The following CDCA7L variants were observed in gnomAD, a reference collection of about 807,000 sequenced individuals.
CDCA7L encodes the protein cell division cycle associated 7 like.
CDCA7L carries 44 observed loss-of-function variants against 57.4 expected under a neutral mutation model. The ratio of observed to expected loss-of-function variants is 0.77; its 90% confidence interval spans 0.60 to 0.98. The LOEUF (loss-of-function observed/expected upper bound fraction) is 0.98. CDCA7L is among the 50% of genes least tolerant of loss of function. The pLI, the probability that CDCA7L is intolerant of heterozygous loss-of-function variation, is 0.00. For missense variants in CDCA7L, 644 were observed against 580.6 expected (o/e 1.11, Z -1.12); for synonymous variants, 236 against 202.8 (o/e 1.16, Z -1.39).
intron 1 of CDCA7L, among the ~76,000 whole-genome samples, chr7:21,918,753 G>A (rs981767426): frequency 2.0e-5 from 3 of 152,250 alleles, no homozygotes; most frequent in Admixed American, 6.5e-5. Flanking sequence ...AGGTCTGGCT[G>A]TCTCTTTTTT....
chr7:21,915,131 T>A (rs910789815), intron 2 of CDCA7L, among the ~76,000 whole-genome samples: 3 of 151,952 alleles, frequency 2.0e-5, no homozygotes, highest in Non-Finnish European at 4.4e-5. Context: ...CTACGGCAGC[T>A]GCAGAGGGAA....
intron 3 of CDCA7L, among the ~76,000 whole-genome samples, chr7:21,910,411 C>G (rs1170502871): frequency 6.6e-6 from 1 of 152,172 alleles, no homozygotes; most frequent in African/African-American, 2.4e-5. Flanking sequence ...ACGAAGCAGC[C>G]TACCATGCGG....
At chr7:21,908,847 C>A (rs935477728) in intron 3 of CDCA7L, among the ~76,000 whole-genome samples, 6 of 152,150 alleles carry the variant, frequency 3.9e-5, no homozygotes, top group Non-Finnish European at 8.8e-5. Context: ...GAGACAGTCA[C>A]AGAAAAGGAG....
chr7:21,938,933 C>G (rs1407901486), intron 1 of CDCA7L, among the ~76,000 whole-genome samples: 1 of 151,984 alleles, frequency 6.6e-6, no homozygotes, highest in Non-Finnish European at 1.5e-5. Flanking sequence ...TCACTTGAGC[C>G]CAGGAGGTCA....
chr7:21,933,265 C>T (rs12055905), intron 1 of CDCA7L, among the ~76,000 whole-genome samples: 32,112 of 151,992 alleles, frequency 0.21, 4,097 homozygotes, highest in East Asian at 0.54. Context: ...GATCTAGAAC[C>T]AGAAATACCA....
At chr7:21,909,011 A>G (rs1460662131) in intron 3 of CDCA7L, among the ~76,000 whole-genome samples, 1 of 152,196 alleles carries the variant, frequency 6.6e-6, no homozygotes, top group Non-Finnish European at 1.5e-5. Context: ...GGACAGGCAG[A>G]TGACCTGCCA....
rs1554294808 is a variant in CDCA7L, at chr7:21,902,243, ATCT to A, written c.*76_*78del. The A allele has an allele frequency of 1.3e-3, 1,685 of 1,340,148 alleles. 14 individuals are homozygous for A. In the Middle Eastern group the frequency reaches 0.015, roughly 12 times the overall value. The allele number at this position is 1,340,148 out of a possible 1,614,324, so 83.0% of individuals were successfully genotyped here. ...TGTATAAAAACACAACTGTAAAAAA[ATCT>A]TTCTTAGGCACCAATGGTATGCATG... On this transcript the variant is annotated 3_prime_UTR_variant, in exon 10 of 10. Coordinates refer to ENST00000406877, the MANE Select transcript of CDCA7L (RefSeq NM_018719.5).
chr7:21,902,665 ATAATCTGTGT>A (rs1784962840), intron 9 of CDCA7L: 1 of 495,296 alleles, frequency 2.0e-6, no homozygotes, highest in Non-Finnish European at 3.6e-6. Context: ...CTGCCTCTTC[ATAATCTGTGT>A]CTTTCCCCTC....
Position 21,903,000 on chromosome 7 carries a change from T to C in CDCA7L, c.1312A>G (p.Asn438Asp), listed in dbSNP as rs767205857. ...IHLAKFYGYD[N>D]VKEYLESLQK... ...TACCTCTCCAGATATTCCTTAACAT[T>C]GTCATAACCATAAAACTTGGCCAGA... The change falls in exon 9 of 10, where the codon AAT (asparagine) becomes GAT (aspartate). Residue 438 changes from asparagine to aspartate, a missense_variant. By Grantham distance (23) the Asn-to-Asp change is conservative. Coordinates refer to ENST00000406877, the MANE Select transcript of CDCA7L (RefSeq NM_018719.5). 5.0e-6 allele frequency: 8 copies of C among 1,613,922 alleles called. No individual in the cohort carries two copies. Among genetic ancestry groups the C allele is most frequent in the Non-Finnish European group, 6.8e-6 (8 of 1,179,812 alleles).
At chr7:21,906,827 G>A (rs1207947534) in intron 4 of CDCA7L, among the ~76,000 whole-genome samples, 188 bp from the exon 5 acceptor site, 3 of 152,102 alleles carry the variant, frequency 2.0e-5, no homozygotes, top group Non-Finnish European at 4.4e-5. Context: ...AGATGCTGAT[G>A]TCATCATTCA....
At chr7:21,944,312 G>C (rs1786437217) in intron 1 of CDCA7L, among the ~76,000 whole-genome samples, 1 of 150,858 alleles carries the variant, frequency 6.6e-6, no homozygotes, top group Admixed American at 6.6e-5. Context: ...TTAGACAGGC[G>C]TGGTGGCGGG....
intron 4 of CDCA7L, 137 bp downstream of exon 4, chr7:21,907,993 C>T: frequency 1.1e-6 from 1 of 885,018 alleles, no homozygotes; most frequent in Non-Finnish European, 1.6e-6. Context: ...TAAAAGGATA[C>T]ACAATACCCA....
Position 21,907,480 on chromosome 7 carries a change from GTAGA to G in CDCA7L, c.681+646_681+649del, listed in dbSNP as rs535222920. On this transcript the variant is annotated intron_variant, in intron 4 of 9. Transcript: ENST00000406877. ...TGGTAGAACTATTTAAAAAAAAACT[GTAGA>G]TAAACAATTATGAAGCAAACAATGA... is the stretch of plus-strand genomic sequence containing the variant. Among the ~76,000 whole-genome samples, 567 of 152,152 alleles carry G rather than the reference GTAGA, an allele frequency of 3.7e-3. 1 individual carries two copies. Among genetic ancestry groups the G allele is most frequent in the African/African-American group, 0.013 (525 of 41,500 alleles).
intron 4 of CDCA7L, 131 bp from the exon 5 acceptor site, chr7:21,906,770 C>G: frequency 1.3e-6 from 1 of 766,120 alleles, no homozygotes; most frequent in East Asian, 2.7e-5. Context: ...TAACCCACAA[C>G]AGTTATACTT....
At chr7:21,941,473 C>T (rs4394298) in intron 1 of CDCA7L, among the ~76,000 whole-genome samples, 122,224 of 152,182 alleles carry the variant, frequency 0.8, 49,473 homozygotes, top group Non-Finnish European at 0.85. Flanking sequence ...GTGCAGCTTA[C>T]GGTAACATGT....
rs1344897164 is a variant in CDCA7L at position 21,901,398 on chromosome 7, G to A, written c.*924C>T. On this transcript the variant is annotated 3_prime_UTR_variant, in exon 10 of 10. Coordinates refer to ENST00000406877, the MANE Select transcript of CDCA7L (RefSeq NM_018719.5). ...TTTCAACGCTATCCTTAGAGTGAAA[G>A]TCAGAAAAAAATACTAGAAACTAAC... is the stretch of plus-strand genomic sequence containing the variant. The A allele has an allele frequency of 7.5e-6, 9 of 1,201,364 alleles. No homozygotes were observed. The East Asian group carries it at 2.6e-4, about 35-fold the overall frequency. The allele number at this position is 1,201,364 out of a possible 1,614,324, so 74.4% of individuals were successfully genotyped here.
rs111810032 is a variant in CDCA7L at position 21,930,681 on chromosome 7, G to A, written c.25-13787C>T. ...CCATTGCACTCCAGCCCCGGCAACAGTGCAAGACTCCGTCTCAAAAAAAAA... is the reference window on the plus strand; with the variant it reads ...CCATTGCACTCCAGCCCCGGCAACAATGCAAGACTCCGTCTCAAAAAAAAA... On this transcript the variant is annotated intron_variant, in intron 1 of 9. Transcript: ENST00000406877. 1.7e-3 allele frequency among the ~76,000 whole-genome samples: 189 copies of A among 112,728 alleles called. 1 individual carries two copies. Among genetic ancestry groups the A allele is most frequent in the Middle Eastern group, 7.7e-3 (1 of 130 alleles). 74.0% of individuals were successfully genotyped at this position (112,728 alleles called of 152,430 possible). A position where few individuals can be genotyped will look rare whatever the true frequency, so the allele number is the denominator to read the frequency against.
In CDCA7L at chr7:21,908,425, G is replaced by A. The variant is rs376335429; in HGVS notation, c.386C>T (p.Thr129Ile). The change falls in exon 4 of 10, where the codon ACC becomes ATC. Residue 129 changes from threonine (T) to isoleucine (I), a missense_variant. By Grantham distance (89) the Thr-to-Ile change is moderately conservative. Coordinates refer to ENST00000406877, the MANE Select transcript of CDCA7L (RefSeq NM_018719.5). Reference protein sequence around the residue: ...EEEDEEEDKATPRRSRSRRSS... With the variant: ...EEEDEEEDKAIPRRSRSRRSS... ...TCTTCTAGACCTGCTTCTTCTAGGGGTAGCCTTATCTTCTTCTTCATCTTC... is the reference window on the plus strand; with the variant it reads ...TCTTCTAGACCTGCTTCTTCTAGGGATAGCCTTATCTTCTTCTTCATCTTC... 35 of 1,588,722 alleles carry A rather than the reference G, an allele frequency of 2.2e-5. No homozygotes were observed. In the African/African-American group the frequency reaches 4.5e-4, roughly 21 times the overall value.
intron 9 of CDCA7L, chr7:21,902,646 G>A (rs1283250986): frequency 1.8e-5 from 9 of 510,758 alleles, no homozygotes; most frequent in Non-Finnish European, 2.8e-5. Context: ...CTCTGCACTA[G>A]GATTATGGCT....
Sources: allele counts gnomAD v4.1 joint callset (sites outside exome capture counted in the v4.1 genomes callset), GRCh38; gene constraint gnomAD v4.1.1; transcripts MANE v1.5; gene names NCBI Gene and HGNC (gene_info 2026-07-23, HGNC 2026-07-21).